The following PTGIS variants were observed in gnomAD, a reference collection of about 807,000 sequenced individuals.
PTGIS encodes the protein prostaglandin I2 synthase, also known as prostacyclin synthase.
In PTGIS, 45 loss-of-function variants were observed where a neutral mutation model predicts 50.3. That is an observed-to-expected ratio of 0.90 (90% CI 0.70 to 1.15). The LOEUF (loss-of-function observed/expected upper bound fraction) is 1.15, where lower values mean the gene tolerates loss of function less well. PTGIS is among the 50% of genes most tolerant of loss of function. PTGIS has a pLI of 0.00. For missense variants in PTGIS, 668 were observed against 661.3 expected (o/e 1.01, Z -0.11); for synonymous variants, 260 against 267.7 (o/e 0.97, Z 0.28).
At chr20:49,528,497 G>T (rs1981848611) in intron 5 of PTGIS, among the ~76,000 whole-genome samples, 1 of 152,214 alleles carries the variant, frequency 6.6e-6, no homozygotes, top group South Asian at 2.1e-4. Flanking sequence ...GTGGGCGCCT[G>T]TAGTCCCAGC....
intron 1 of PTGIS, among the ~76,000 whole-genome samples, chr20:49,558,667 T>G (rs534012428): frequency 4.0e-4 from 61 of 151,954 alleles, no homozygotes; most frequent in African/African-American, 1.4e-3. Flanking sequence ...CTGGGTAAAA[T>G]GAGGCTGAGA....
chr20:49,561,023 T>C (rs1162218609), intron 1 of PTGIS, among the ~76,000 whole-genome samples: 2 of 152,154 alleles, frequency 1.3e-5, no homozygotes, highest in African/African-American at 4.8e-5. Context: ...GAGAGCAATG[T>C]GGTGGAAGCA....
intron 6 of PTGIS, among the ~76,000 whole-genome samples, chr20:49,518,688 C>A (rs1328684301): frequency 6.6e-6 from 1 of 151,882 alleles, no homozygotes; most frequent in Non-Finnish European, 1.5e-5. Context: ...AACCAACCCT[C>A]TTTACAGATG....
Position 49,504,846 on chromosome 20 carries a change from T to G in PTGIS, c.*3074A>C, listed in dbSNP as rs1223627504. 1 of 151,422 alleles carries G rather than the reference T, an allele frequency of 6.6e-6. No homozygotes were observed. The highest frequency in any genetic ancestry group is 1.5e-5 in the Non-Finnish European group (1 of 67,826). 9.4% of individuals were successfully genotyped at this position (151,422 alleles called of 1,614,324 possible). ...AACTTAAGAGTATTTTATTCTTGGC[T>G]GGGCGCGGTGGCTCACACCTGTAAT... On this transcript the variant is annotated 3_prime_UTR_variant, in exon 10 of 10. Transcript: ENST00000244043.
At chr20:49,529,076 A>T (rs1248419585) in intron 5 of PTGIS, among the ~76,000 whole-genome samples, 4 of 152,198 alleles carry the variant, frequency 2.6e-5, no homozygotes, top group African/African-American at 9.6e-5. Context: ...TGATTGCTGC[A>T]ATCAAGCTAA....
At position 49,539,816 on chromosome 20, in the gene PTGIS, A is replaced by T. The variant is rs1261370692; in HGVS notation, c.522-95T>A. The T allele has an allele frequency of 2.0e-6, 3 of 1,474,870 alleles. No individual in the cohort carries two copies. In the African/African-American group the frequency reaches 4.2e-5, roughly 21 times the overall value. The allele number at this position is 1,474,870 out of a possible 1,614,324, so 91.4% of individuals were successfully genotyped here. The stretch of plus-strand genomic sequence containing the variant: ...AGCTTCATTCATACACCCAGTGAGC[A>T]ACTACTAATCCTACTGTGCGCCAAA... On this transcript the variant is annotated intron_variant, in intron 4 of 9. Coordinates refer to ENST00000244043, the MANE Select transcript of PTGIS (RefSeq NM_000961.4).
chr20:49,547,991 A>G lies in PTGIS; in HGVS notation c.227T>C (p.Val76Ala). The change falls in exon 3 of 10, where the codon GTT becomes GCT. Residue 76 changes from valine (V) to alanine (A), a missense_variant. Physicochemically the swap from Val to Ala is moderately conservative, Grantham distance 64. Transcript: ENST00000244043. ...TILVGGRYVT[V>A]LLDPHSYDAV... ...GTCGTAGGAGTGTGGGTCCAGGAGA[A>G]CGGTGACATACCTGCCCCCAACCAG... 1 of 1,614,108 alleles carries G rather than the reference A, an allele frequency of 6.2e-7. No individual in the cohort carries two copies. Among genetic ancestry groups the G allele is most frequent in the Non-Finnish European group, 8.5e-7 (1 of 1,180,002 alleles).
intron 5 of PTGIS, among the ~76,000 whole-genome samples, chr20:49,538,906 G>A (rs943463051): frequency 2.0e-5 from 3 of 151,778 alleles, no homozygotes; most frequent in South Asian, 2.1e-4. Context: ...GATCTCAAAC[G>A]CCTGACTTCA....
At chr20:49,521,113 A>G (rs998367837) in intron 6 of PTGIS, among the ~76,000 whole-genome samples, 11 of 152,202 alleles carry the variant, frequency 7.2e-5, no homozygotes, top group African/African-American at 1.9e-4. Flanking sequence ...ATGTTTCTTG[A>G]GCACTTGTTA....
chr20:49,534,294 A>G (rs1226904193), intron 5 of PTGIS, among the ~76,000 whole-genome samples: 1 of 152,204 alleles, frequency 6.6e-6, no homozygotes, highest in African/African-American at 2.4e-5. Context: ...ATTTTATTTT[A>G]TGTTTCAGCA....
chr20:49,523,675 A>T (rs1012254590), intron 6 of PTGIS, among the ~76,000 whole-genome samples: 2 of 152,088 alleles, frequency 1.3e-5, no homozygotes, highest in African/African-American at 4.8e-5. Context: ...GCTACTCGGG[A>T]GGCTGAGGCA....
intron 1 of PTGIS, 51 bp downstream of exon 1, chr20:49,567,992 G>A: frequency 6.9e-7 from 1 of 1,446,160 alleles, no homozygotes; most frequent in South Asian, 1.3e-5. Context: ...TGCAGCCCGG[G>A]CGGGAGCCGC....
chr20:49,528,528 G>A (rs373412728), intron 5 of PTGIS, among the ~76,000 whole-genome samples: 16 of 152,012 alleles, frequency 1.1e-4, no homozygotes, highest in East Asian at 3.9e-4. Flanking sequence ...GCTGGGGCAG[G>A]AGAATCGCTT....
rs201691145 is a variant in PTGIS, at chr20:49,513,269, G to A, written c.1025-8C>T. The A allele has an allele frequency of 1.7e-4, 277 of 1,612,478 alleles. 1 individual carries two copies. Among genetic ancestry groups the A allele is most frequent in the Middle Eastern group, 1.7e-3 (10 of 5,824 alleles). On this transcript the variant is annotated splice_polypyrimidine_tract_variant and splice_region_variant and intron_variant, in intron 7 of 9. Coordinates refer to ENST00000244043, the MANE Select transcript of PTGIS (RefSeq NM_000961.4). ...TCTCACTCAGCACGCTATCTGCATG[G>A]GGCAGGTGCAAGGAAGAGTCAGCGG...
rs1323943305 is a variant in PTGIS, at chr20:49,514,306, A to G, written c.945T>C (p.Ser315=). 2 of 1,613,866 alleles carry G rather than the reference A, an allele frequency of 1.2e-6. No individual in the cohort carries two copies. The highest frequency in any genetic ancestry group is 1.7e-6 in the Non-Finnish European group (2 of 1,180,022). The stretch of plus-strand genomic sequence containing the variant: ...CAGGCTGCTCCGCTTGCCAAAGGAT[A>G]CTCTCGAGCTCTCCGCGGACAGCAG... ...ALAAVRGELE[S]ILWQAEQPVS... is the part of the protein sequence containing the mutation. Residue 315 remains serine, a synonymous_variant, in exon 7 of 10, where the codon AGT becomes AGC. Coordinates refer to ENST00000244043, the MANE Select transcript of PTGIS (RefSeq NM_000961.4).
Position 49,540,483 on chromosome 20 carries a change from G to T in PTGIS, c.522-762C>A, listed in dbSNP as rs1982196091. Among the ~76,000 whole-genome samples the T allele has an allele frequency of 6.6e-6, 1 of 152,176 alleles. No individual in the cohort carries two copies. On this transcript the variant is annotated intron_variant, in intron 4 of 9. Coordinates refer to ENST00000244043, the MANE Select transcript of PTGIS (RefSeq NM_000961.4). This position sits in a 1 kb window ranked among gnomAD's most constrained non-coding sequence, Gnocchi z 4.8. ...AGCCGGGGTGTGAGGCAGAGGATGG[G>T]AGGGCCTGGGCTGTCAGGGCTGGCC...
intron 1 of PTGIS, among the ~76,000 whole-genome samples, chr20:49,554,245 T>G (rs1028638776): frequency 1.3e-5 from 2 of 152,210 alleles, no homozygotes; most frequent in Non-Finnish European, 2.9e-5. Context: ...TCCTAACTGT[T>G]GTAGCCTGAT....
chr20:49,508,979 T>C (rs1351131373), intron 9 of PTGIS, among the ~76,000 whole-genome samples: 1 of 152,218 alleles, frequency 6.6e-6, no homozygotes, highest in African/African-American at 2.4e-5. Context: ...AGGCGCCCGA[T>C]GCAGCACTGA....
rs538231891 is a variant in PTGIS at position 49,515,425 on chromosome 20, T to C, written c.856-1030A>G. Reference sequence around the variant, plus strand: ...CTTTGGTATGTGGCTAAAATGTGTATATGGCACCCTTTAGTGATCCAGATA... The same window carrying C: ...CTTTGGTATGTGGCTAAAATGTGTACATGGCACCCTTTAGTGATCCAGATA... On this transcript the variant is annotated intron_variant, in intron 6 of 9. Coordinates refer to ENST00000244043, the MANE Select transcript of PTGIS (RefSeq NM_000961.4). 4.6e-5 allele frequency among the ~76,000 whole-genome samples: 7 copies of C among 152,354 alleles called. No homozygotes were observed. In the South Asian group the frequency reaches 8.3e-4, roughly 18 times the overall value.
Sources: allele counts gnomAD v4.1 joint callset (sites outside exome capture counted in the v4.1 genomes callset), GRCh38; gene constraint gnomAD v4.1.1; non-coding constraint Gnocchi (gnomAD v3.1); transcripts MANE v1.5; gene names NCBI Gene and HGNC (gene_info 2026-07-23, HGNC 2026-07-21).